FARS2: variants seen among roughly 807,000 people sequenced by gnomAD.
FARS2 encodes the protein phenylalanine--tRNA ligase, mitochondrial.
Under a neutral mutation model 46.4 loss-of-function variants are expected in FARS2, and 40 were observed. That is an observed-to-expected ratio of 0.86 (90% CI 0.67 to 1.12). The LOEUF (loss-of-function observed/expected upper bound fraction) is 1.12. Among genes scored for constraint, FARS2 ranks in the 50% most tolerant of loss-of-function variants. The pLI is 0.00. For missense variants in FARS2, 513 were observed against 567.9 expected (o/e 0.90, Z 0.98); for synonymous variants, 234 against 214.9 (o/e 1.09, Z -0.78).
intron 5 of FARS2, among the ~76,000 whole-genome samples, chr6:5,611,150 G>A (rs1247902617): frequency 1.3e-5 from 2 of 152,222 alleles, no homozygotes; most frequent in East Asian, 3.9e-4. Context: ...TACACAAACA[G>A]TGAGGATGAA....
At chr6:5,286,031 C>G (rs1767087024) in intron 1 of FARS2, among the ~76,000 whole-genome samples, 1 of 144,024 alleles carries the variant, frequency 6.9e-6, no homozygotes, top group Admixed American at 6.8e-5. Flanking sequence ...GATAGCTGTT[C>G]CCTTCTTATG....
At chr6:5,591,168 T>A (rs1372703785) in intron 5 of FARS2, among the ~76,000 whole-genome samples, 1 of 152,172 alleles carries the variant, frequency 6.6e-6, no homozygotes, top group Admixed American at 6.5e-5. Context: ...ACCCTACCAT[T>A]TCATCTTTTT....
intron 1 of FARS2, among the ~76,000 whole-genome samples, chr6:5,277,591 C>G (rs576800551): frequency 6.6e-6 from 1 of 152,076 alleles, no homozygotes; most frequent in Non-Finnish European, 1.5e-5. Context: ...GACGATATAT[C>G]GTATCATCTC....
chr6:5,267,751 CA>C (rs71540859), intron 1 of FARS2, among the ~76,000 whole-genome samples: 39,359 of 109,240 alleles, frequency 0.36, 6,647 homozygotes, highest in African/African-American at 0.52. Context: ...GAGACTGTCT[CA>C]AAAAAAAAAA....
At chr6:5,617,234 T>C (rs1025913567) in intron 6 of FARS2, among the ~76,000 whole-genome samples, 1 of 152,266 alleles carries the variant, frequency 6.6e-6, no homozygotes, top group African/African-American at 2.4e-5. Flanking sequence ...GGTGAACTTA[T>C]TCAGTTCCTT....
At chr6:5,381,692 T>G (rs1352642240) in intron 2 of FARS2, among the ~76,000 whole-genome samples, 1 of 152,148 alleles carries the variant, frequency 6.6e-6, no homozygotes, top group African/African-American at 2.4e-5. Flanking sequence ...GGTGGTCGAT[T>G]ATGTAAGTAG....
chr6:5,603,881 G>A (rs1434838445), intron 5 of FARS2, among the ~76,000 whole-genome samples: 2 of 152,198 alleles, frequency 1.3e-5, no homozygotes, highest in African/African-American at 4.8e-5. Context: ...AACAGAGCCG[G>A]TGATTACAAT....
intron 6 of FARS2, among the ~76,000 whole-genome samples, chr6:5,650,569 C>T (rs565205545): frequency 6.6e-5 from 10 of 152,318 alleles, no homozygotes; most frequent in South Asian, 6.2e-4. Context: ...CAAGCTCCCC[C>T]TCCTGGGTTC....
rs568168662 is a variant in FARS2, at chr6:5,623,705, G to A, written c.1217+10385G>A. Among the ~76,000 whole-genome samples the A allele has an allele frequency of 1.7e-4, 24 of 141,036 alleles. No homozygotes were observed. The South Asian group carries it at 4.7e-3, about 28-fold the overall frequency. The allele number at this position is 141,036 out of a possible 152,430, so 92.5% of individuals were successfully genotyped here. ...CCAGCCTGGGTGACAGAGCGAGACTGTGTCTCAAAAAAAATAAATAAATAA... is the reference window on the plus strand; with the variant it reads ...CCAGCCTGGGTGACAGAGCGAGACTATGTCTCAAAAAAAATAAATAAATAA... On this transcript the variant is annotated intron_variant, in intron 6 of 6. Coordinates refer to ENST00000274680, the MANE Select transcript of FARS2 (RefSeq NM_006567.5).
At chr6:5,580,983 CTG>C (rs959717661) in intron 5 of FARS2, among the ~76,000 whole-genome samples, 8 of 152,234 alleles carry the variant, frequency 5.3e-5, no homozygotes, top group African/African-American at 1.9e-4. Context: ...AGTTTTCCCT[CTG>C]TGTGCATGAA....
rs556738065 is a variant in FARS2, at chr6:5,621,226, A to G, written c.1217+7906A>G. Among the ~76,000 whole-genome samples, 6 of 150,392 alleles carry G rather than the reference A, an allele frequency of 4.0e-5. No individual in the cohort carries two copies. The East Asian group carries it at 1.2e-3, about 29-fold the overall frequency. ...CTTAGTCTCCCAAGTAGCTAGGACT[A>G]CAGGCATAGGCCACCACACTTGGCT... On this transcript the variant is annotated intron_variant, in intron 6 of 6. Transcript: ENST00000274680.
chr6:5,264,666 C>T (rs1765426463), intron 1 of FARS2, among the ~76,000 whole-genome samples: 1 of 151,990 alleles, frequency 6.6e-6, no homozygotes, highest in South Asian at 2.1e-4. Context: ...CTTGGCCTCC[C>T]AAAGTGTGGG....
chr6:5,691,021 G>A (rs1757671748), intron 6 of FARS2, among the ~76,000 whole-genome samples: 1 of 152,160 alleles, frequency 6.6e-6, no homozygotes, highest in Non-Finnish European at 1.5e-5. Context: ...TCATCACATA[G>A]TTCTCGTGCC....
At chr6:5,566,522 G>C (rs1426918505) in intron 5 of FARS2, among the ~76,000 whole-genome samples, 1 of 152,100 alleles carries the variant, frequency 6.6e-6, no homozygotes, top group Admixed American at 6.5e-5. Context: ...TGCCTCCTCT[G>C]TTTTTCCCCA....
chr6:5,541,254 C>T (rs1219236918), intron 4 of FARS2, among the ~76,000 whole-genome samples: 4 of 152,138 alleles, frequency 2.6e-5, no homozygotes, highest in South Asian at 2.1e-4. Flanking sequence ...TGAGAGTAAC[C>T]GTTGAGAAAC....
chr6:5,748,651 AACTCGTTCAAAGAC>A (rs1291197799), intron 6 of FARS2, among the ~76,000 whole-genome samples: 2 of 152,250 alleles, frequency 1.3e-5, no homozygotes, highest in African/African-American at 4.8e-5. Flanking sequence ...GAGGCTGAGT[AACTCGTTCAAAGAC>A]ACACTACTAG....
chr6:5,385,615 G>A (rs1581949178), intron 2 of FARS2, among the ~76,000 whole-genome samples: 3 of 152,070 alleles, frequency 2.0e-5, no homozygotes, highest in South Asian at 2.1e-4. Flanking sequence ...TAGTAGAGAC[G>A]GGGTTTCACC....
rs1354767014 is a variant in FARS2 at position 5,765,467 on chromosome 6, C to T, written c.1218-5824C>T. On this transcript the variant is annotated intron_variant, in intron 6 of 6. Transcript: ENST00000274680. The surrounding 1 kb of genome is among the most constrained non-coding windows in gnomAD (Gnocchi z 4.0). Reference sequence around the variant, plus strand: ...CTCATCACCTGCCAATGGCAGGGAGCGTGGGCTGTCTTATATTCTGTTTGC... The same window carrying T: ...CTCATCACCTGCCAATGGCAGGGAGTGTGGGCTGTCTTATATTCTGTTTGC... Among the ~76,000 whole-genome samples the T allele has an allele frequency of 6.6e-6, 1 of 152,168 alleles. No individual in the cohort carries two copies. The highest frequency in any genetic ancestry group is 6.5e-5 in the Admixed American group (1 of 15,272).
rs554647468 is a variant in FARS2 at position 5,622,886 on chromosome 6, T to TA, written c.1217+9567dup. Among the ~76,000 whole-genome samples, 24 of 152,362 alleles carry TA rather than the reference T, an allele frequency of 1.6e-4. No homozygotes were observed. The East Asian group carries it at 3.5e-3, about 22-fold the overall frequency. On this transcript the variant is annotated intron_variant, in intron 6 of 6. Coordinates refer to ENST00000274680, the MANE Select transcript of FARS2 (RefSeq NM_006567.5). ...ATGTTTATATCAGTGGAGGGAGACT[T>TA]ACTACATAATGCTTGCTGGATGGTT... is the stretch of plus-strand genomic sequence containing the variant.
Sources: gnomAD v4.1 joint callset for allele counts (sites outside exome capture counted in the v4.1 genomes callset) on GRCh38, gnomAD v4.1.1 for gene constraint, Gnocchi (gnomAD v3.1) non-coding constraint, MANE v1.5 for transcripts, NCBI Gene and HGNC (gene_info 2026-07-23, HGNC 2026-07-21) for gene names.